VTI1A: variants seen among roughly 807,000 people sequenced by gnomAD.
VTI1A encodes vesicle transport through interaction with t-SNAREs homolog 1A.
VTI1A carries 22 observed loss-of-function variants against 34.9 expected under a neutral mutation model. The observed-to-expected ratio is 0.63, with a 90% CI of 0.45 to 0.90. The LOEUF (loss-of-function observed/expected upper bound fraction) is 0.90. Among genes scored for constraint, VTI1A ranks in the 40% least tolerant of loss-of-function variants. The pLI is 0.00. For synonymous variants in VTI1A, 87 were observed against 97.3 expected, an observed-to-expected ratio of 0.89 and a Z score of 0.62; for missense variants, 268 against 275.6, an observed-to-expected ratio of 0.97 and a Z score of 0.20.
chr10:112,794,065 A>G (rs1322788156), intron 7 of VTI1A, among the ~76,000 whole-genome samples: 1 of 152,166 alleles, frequency 6.6e-6, no homozygotes, highest in Non-Finnish European at 1.5e-5. Flanking sequence ...TCAAACAACC[A>G]CAAAGCTCAG....
chr10:112,527,181 G>A lies in VTI1A; in HGVS notation c.342+17G>A. 1 of 1,612,274 alleles carries A rather than the reference G, an allele frequency of 6.2e-7. No individual in the cohort carries two copies. The highest frequency in any genetic ancestry group is 8.5e-7 in the Non-Finnish European group (1 of 1,178,948). On this transcript the variant is annotated intron_variant, in intron 4 of 7. Transcript: ENST00000393077. ...GAGAACCAGGTAGAATGCTAATCAGGAAGGCCCGGTGGGTGGCTGGAGGGT... is the reference window on the plus strand; with the variant it reads ...GAGAACCAGGTAGAATGCTAATCAGAAAGGCCCGGTGGGTGGCTGGAGGGT...
intron 7 of VTI1A, among the ~76,000 whole-genome samples, chr10:112,791,388 A>G (rs779636263): frequency 2.0e-5 from 3 of 152,202 alleles, no homozygotes; most frequent in Non-Finnish European, 4.4e-5. Flanking sequence ...GGGGGGTAGC[A>G]CTGCTTGTTC....
At chr10:112,474,961 A>G (rs963721843) in intron 3 of VTI1A, among the ~76,000 whole-genome samples, 2 of 152,188 alleles carry the variant, frequency 1.3e-5, no homozygotes, top group African/African-American at 4.8e-5. Context: ...TTTGCCAAAA[A>G]TCTATCCTCA....
chr10:112,460,620 G>C, intron 2 of VTI1A, 38 bp downstream of exon 2: 1 of 1,528,398 alleles, frequency 6.5e-7, no homozygotes, highest in Non-Finnish European at 8.8e-7. Context: ...CACACAGCCA[G>C]AGCCGTTTAA....
intron 3 of VTI1A, among the ~76,000 whole-genome samples, chr10:112,519,913 T>C (rs1849950938): frequency 6.6e-6 from 1 of 152,034 alleles, no homozygotes; most frequent in Admixed American, 6.6e-5. Context: ...TCCTTCCCAA[T>C]GCTAGGCAGA....
At chr10:112,680,883 C>T (rs956917486) in intron 7 of VTI1A, among the ~76,000 whole-genome samples, 3 of 152,014 alleles carry the variant, frequency 2.0e-5, no homozygotes, top group African/African-American at 7.3e-5. Context: ...TAGCTCCTAG[C>T]GGCAGAATTT....
intron 1 of VTI1A, among the ~76,000 whole-genome samples, chr10:112,458,336 C>A (rs183817974): frequency 2.6e-5 from 4 of 152,254 alleles, no homozygotes; most frequent in Admixed American, 2.6e-4. Flanking sequence ...AAAATGTAGT[C>A]TATTCTAACT....
chr10:112,767,426 A>G lies in VTI1A; in HGVS notation c.561-47864A>G, dbSNP rs891417501. On this transcript the variant is annotated intron_variant, in intron 7 of 7. Transcript: ENST00000393077. The surrounding 1 kb of genome is among the most constrained non-coding windows in gnomAD (Gnocchi z 4.0). ...CCTGGAGGCAGCAAACCCTGATTGC[A>G]GACCCAGTGCCTAAAAGGAAGTAAG... is the stretch of plus-strand genomic sequence containing the variant. Among the ~76,000 whole-genome samples, 15 of 152,220 alleles carry G rather than the reference A, an allele frequency of 9.9e-5. No individual in the cohort carries two copies. Among genetic ancestry groups the G allele is most frequent in the African/African-American group, 3.6e-4 (15 of 41,454 alleles).
chr10:112,488,295 A>C (rs1329915419), intron 3 of VTI1A, among the ~76,000 whole-genome samples: 1 of 152,236 alleles, frequency 6.6e-6, no homozygotes, highest in East Asian at 1.9e-4. Context: ...TTCTAAGTAA[A>C]TATTTCTGAA....
intron 5 of VTI1A, among the ~76,000 whole-genome samples, chr10:112,597,922 C>G (rs910406280): frequency 6.6e-6 from 1 of 151,386 alleles, no homozygotes; most frequent in South Asian, 2.1e-4. Context: ...TGGTCTCGAT[C>G]TCCTGACCTC....
At chr10:112,603,078 G>T (rs1469824620) in intron 5 of VTI1A, among the ~76,000 whole-genome samples, 1 of 152,174 alleles carries the variant, frequency 6.6e-6, no homozygotes, top group Non-Finnish European at 1.5e-5. Flanking sequence ...CATGGAGTGG[G>T]TTCTTTTCAG....
intron 5 of VTI1A, among the ~76,000 whole-genome samples, chr10:112,560,785 C>T (rs181514621): frequency 1.3e-5 from 2 of 151,886 alleles, no homozygotes; most frequent in East Asian, 1.9e-4. Context: ...TTAGTAGAGA[C>T]GAGGTTTCAC....
intron 3 of VTI1A, among the ~76,000 whole-genome samples, chr10:112,478,934 C>T (rs1231619928): frequency 1.3e-5 from 2 of 151,898 alleles, no homozygotes; most frequent in Non-Finnish European, 1.5e-5. Context: ...TTTGGGAGGC[C>T]GAGACGGGCG....
At chr10:112,828,102 G>T in the VTI1A span, among the ~76,000 whole-genome samples, 1 of 152,054 alleles carries the variant, frequency 6.6e-6, no homozygotes, top group Non-Finnish European at 1.5e-5. Flanking sequence ...ATTCAATTAG[G>T]TCGCCGTGGA....
At chr10:112,558,988 A>G (rs1186146108) in intron 5 of VTI1A, among the ~76,000 whole-genome samples, 1 of 152,186 alleles carries the variant, frequency 6.6e-6, no homozygotes, top group Non-Finnish European at 1.5e-5. Flanking sequence ...AGAAAAAAAA[A>G]GTGTTTCTTT....
At chr10:112,569,447 G>T (rs762229348) in intron 5 of VTI1A, among the ~76,000 whole-genome samples, 11 of 152,306 alleles carry the variant, frequency 7.2e-5, no homozygotes, top group Non-Finnish European at 1.6e-4. Flanking sequence ...AAGATAAAGT[G>T]TTTAATTATG....
At chr10:112,593,495 C>CT (rs1319943229) in intron 5 of VTI1A, among the ~76,000 whole-genome samples, 1 of 152,160 alleles carries the variant, frequency 6.6e-6, no homozygotes, top group Non-Finnish European at 1.5e-5. Flanking sequence ...GTGATTGCCT[C>CT]TTTTTTCCCA....
chr10:112,496,190 C>G (rs1195952809), intron 3 of VTI1A, among the ~76,000 whole-genome samples: 5 of 83,334 alleles, frequency 6.0e-5, no homozygotes, highest in African/African-American at 8.6e-5. Flanking sequence ...GGGAGACCCC[C>G]CCCCCCCCCC....
chr10:112,619,608 A>G (rs1845650519), intron 5 of VTI1A, among the ~76,000 whole-genome samples: 1 of 152,176 alleles, frequency 6.6e-6, no homozygotes, highest in Non-Finnish European at 1.5e-5. Context: ...TCCAAACCAT[A>G]CCTAATTTTT....
Sources: gnomAD v4.1 joint callset for allele counts (sites outside exome capture counted in the v4.1 genomes callset) on GRCh38, gnomAD v4.1.1 for gene constraint, Gnocchi (gnomAD v3.1) non-coding constraint, MANE v1.5 for transcripts, NCBI Gene and HGNC (gene_info 2026-07-23, HGNC 2026-07-21) for gene names.